ARHGAP35: variants seen among roughly 807,000 people sequenced by gnomAD.
ARHGAP35 encodes the protein rho GTPase-activating protein 35.
Under a neutral mutation model 111.1 loss-of-function variants are expected in ARHGAP35, and 15 were observed. The ratio of observed to expected loss-of-function variants is 0.13; its 90% CI spans 0.09 to 0.21. ARHGAP35 has a LOEUF of 0.21. Among genes scored for constraint, ARHGAP35 ranks in the 10% least tolerant of loss-of-function variants. ARHGAP35 has a pLI of 1.00. For missense variants in ARHGAP35, 1,262 were observed against 1,873.0 expected (o/e 0.67, Z 6.02); for synonymous variants, 643 against 710.3 (o/e 0.91, Z 1.51).
chr19:46,871,937 G>T (rs2068187541), intron 1 of ARHGAP35, among the ~76,000 whole-genome samples: 1 of 152,030 alleles, frequency 6.6e-6, no homozygotes, highest in Non-Finnish European at 1.5e-5. Context: ...CGGAGATTAT[G>T]CCACTGCACT....
rs561213417 is a variant in ARHGAP35, at chr19:46,999,881, C to A, written c.4143-450C>A. On this transcript the variant is annotated intron_variant, in intron 6 of 6. Coordinates refer to ENST00000672722, the MANE Select transcript of ARHGAP35 (RefSeq NM_004491.5). The surrounding 1 kb of genome is among the most constrained non-coding windows in gnomAD (Gnocchi z 5.4). ...GAGATGTGCTGCAGGAGACAGCCAGCCTCCGGCATGGAGCACAGCCGCAGG... is the reference window on the plus strand; with the variant it reads ...GAGATGTGCTGCAGGAGACAGCCAGACTCCGGCATGGAGCACAGCCGCAGG... 206 of 215,662 alleles carry A rather than the reference C, an allele frequency of 9.6e-4. No individual in the cohort carries two copies. Among genetic ancestry groups the A allele is most frequent in the Non-Finnish European group, 1.7e-3 (184 of 108,988 alleles). 13.4% of individuals were successfully genotyped at this position (215,662 alleles called of 1,614,324 possible).
At chr19:46,880,747 G>A (rs2055957482) in intron 1 of ARHGAP35, among the ~76,000 whole-genome samples, 4 of 151,902 alleles carry the variant, frequency 2.6e-5, no homozygotes. Flanking sequence ...TGTGATCATA[G>A]CTACTGCAAC....
chr19:46,964,811 A>G (rs2056503697), intron 3 of ARHGAP35, among the ~76,000 whole-genome samples: 1 of 152,220 alleles, frequency 6.6e-6, no homozygotes, highest in South Asian at 2.1e-4. Flanking sequence ...ACAAGCCAAC[A>G]TGGACCCAGA....
In ARHGAP35 at chr19:46,920,294, G is replaced by T; in HGVS notation, c.1619G>T (p.Arg540Leu). The change falls in exon 2 of 7, where the codon CGT (arginine) becomes CTT (leucine). Residue 540 changes from arginine to leucine, a missense_variant. Physicochemically the swap from Arg to Leu is moderately radical, Grantham distance 102. This residue lies in a region of ARHGAP35 where 328 missense variants were observed against 440.8 expected (regional missense o/e 0.74). Transcript: ENST00000672722. This position sits in a 1 kb window ranked among gnomAD's most constrained non-coding sequence, Gnocchi z 7.0. ...FKALQKLQAE[R>L]DALILKHIHF... The stretch of plus-strand genomic sequence containing the variant: ...GCATTACAAAAGCTCCAAGCAGAGC[G>T]TGATGCCCTTATTCTGAAACACATT... 2 of 1,613,994 alleles carry T rather than the reference G, an allele frequency of 1.2e-6. No individual in the cohort carries two copies. The highest frequency in any genetic ancestry group is 1.7e-6 in the Non-Finnish European group (2 of 1,179,896).
chr19:46,970,827 G>C (rs976013342), intron 3 of ARHGAP35, among the ~76,000 whole-genome samples: 3 of 152,162 alleles, frequency 2.0e-5, no homozygotes, highest in African/African-American at 7.2e-5. Flanking sequence ...ATGACTCGAA[G>C]TGGAATGATT....
chr19:46,982,369 C>T (rs373714390), intron 3 of ARHGAP35, among the ~76,000 whole-genome samples: 1 of 151,628 alleles, frequency 6.6e-6, no homozygotes, highest in Admixed American at 6.6e-5. Context: ...CCCAGCTACT[C>T]GGGAGGCTGA....
intron 1 of ARHGAP35, among the ~76,000 whole-genome samples, chr19:46,894,066 C>G (rs2056040559): frequency 6.6e-6 from 1 of 151,936 alleles, no homozygotes; most frequent in Non-Finnish European, 1.5e-5. Context: ...TGTGATTAGG[C>G]TGAGTATTTT....
At chr19:46,933,137 C>CTT (rs1174653724) in intron 2 of ARHGAP35, among the ~76,000 whole-genome samples, 8,111 of 99,400 alleles carry the variant, frequency 0.082, 685 homozygotes, top group African/African-American at 0.17. Context: ...AGTGTGCCTT[C>CTT]TTTTTTTTTT....
intron 3 of ARHGAP35, among the ~76,000 whole-genome samples, chr19:46,953,197 G>A (rs1355691122): frequency 6.6e-6 from 1 of 152,160 alleles, no homozygotes; most frequent in African/African-American, 2.4e-5. Context: ...TAACCCGGGG[G>A]GAGACAGATA....
chr19:46,866,090 C>T (rs956344447), intron 1 of ARHGAP35, among the ~76,000 whole-genome samples: 1 of 152,188 alleles, frequency 6.6e-6, no homozygotes, highest in African/African-American at 2.4e-5. Context: ...ATCCACCTGC[C>T]TCGGCCTCCC....
At chr19:46,916,448 A>G (rs2056164394) in intron 1 of ARHGAP35, among the ~76,000 whole-genome samples, 1 of 151,664 alleles carries the variant, frequency 6.6e-6, no homozygotes, top group African/African-American at 2.4e-5. Flanking sequence ...TCCTACAGAA[A>G]GGCTTTCCCG....
intron 1 of ARHGAP35, among the ~76,000 whole-genome samples, chr19:46,907,131 T>G (rs1400698136): frequency 6.6e-6 from 1 of 152,152 alleles, no homozygotes; most frequent in Non-Finnish European, 1.5e-5. Context: ...ATATTAATAA[T>G]AAGAAATATG....
intron 2 of ARHGAP35, among the ~76,000 whole-genome samples, chr19:46,928,345 T>C (rs933057018): frequency 6.6e-5 from 10 of 152,208 alleles, no homozygotes; most frequent in African/African-American, 2.4e-4. Flanking sequence ...GAAATACCTT[T>C]GTAGGGACTC....
At chr19:46,898,209 T>C (rs1432821398) in intron 1 of ARHGAP35, among the ~76,000 whole-genome samples, 3 of 146,720 alleles carry the variant, frequency 2.0e-5, no homozygotes, top group Non-Finnish European at 4.5e-5. Flanking sequence ...GCCACTGCAC[T>C]CCAGCCTGGC....
chr19:47,001,254 AT>A lies in ARHGAP35; in HGVS notation c.*567del. On this transcript the variant is annotated 3_prime_UTR_variant, in exon 7 of 7. Coordinates refer to ENST00000672722, the MANE Select transcript of ARHGAP35 (RefSeq NM_004491.5). The surrounding 1 kb of genome is among the most constrained non-coding windows in gnomAD (Gnocchi z 5.4). ...CCTGCTGAGGGCGCTGGCTCTGCAG[AT>A]CAGAACAACGGAGGATAGCTTTGTG... is the stretch of plus-strand genomic sequence containing the variant. 1 of 1,288,524 alleles carries A rather than the reference AT, an allele frequency of 7.8e-7. No homozygotes were observed. Among genetic ancestry groups the A allele is most frequent in the Non-Finnish European group, 1.0e-6 (1 of 989,022 alleles). 79.8% of individuals were successfully genotyped at this position (1,288,524 alleles called of 1,614,324 possible). A position where few individuals can be genotyped will look rare whatever the true frequency, so the allele number is the denominator to read the frequency against.
In ARHGAP35 at chr19:46,876,027, C is replaced by T. The variant is rs758954987; in HGVS notation, c.-189+14818C>T. Among the ~76,000 whole-genome samples, 6 of 152,104 alleles carry T rather than the reference C, an allele frequency of 3.9e-5. 1 individual carries two copies. The highest frequency in any genetic ancestry group is 7.3e-5 in the African/African-American group (3 of 41,370). Reference sequence around the variant, plus strand: ...GCCTAGGTTTGAGTCCCAGTCCCACCTCTTACCTGCTCTGCACCCTCCGAC... The same window carrying T: ...GCCTAGGTTTGAGTCCCAGTCCCACTTCTTACCTGCTCTGCACCCTCCGAC... On this transcript the variant is annotated intron_variant, in intron 1 of 6. Coordinates refer to ENST00000672722, the MANE Select transcript of ARHGAP35 (RefSeq NM_004491.5).
At chr19:46,889,320 G>A (rs1312910160) in intron 1 of ARHGAP35, among the ~76,000 whole-genome samples, 1 of 152,006 alleles carries the variant, frequency 6.6e-6, no homozygotes, top group Non-Finnish European at 1.5e-5. Flanking sequence ...AAAAGTTGGT[G>A]TGGTGGCGTG....
intron 3 of ARHGAP35, chr19:46,948,207 C>G (rs1408524104): frequency 6.6e-6 from 1 of 152,208 alleles, no homozygotes; most frequent in Non-Finnish European, 1.5e-5. Flanking sequence ...GATACCTGCC[C>G]TTGGGGCCTA....
At chr19:46,889,699 C>A (rs1010072976) in intron 1 of ARHGAP35, among the ~76,000 whole-genome samples, 2 of 138,698 alleles carry the variant, frequency 1.4e-5, no homozygotes, top group Admixed American at 1.6e-4. Flanking sequence ...TGCAGTGAGC[C>A]GAGATCCCGC....
Sources: gnomAD v4.1 joint callset for allele counts (sites outside exome capture counted in the v4.1 genomes callset) on GRCh38, gnomAD v4.1.1 for gene constraint, gnomAD v4.1.1 regional missense constraint, Gnocchi (gnomAD v3.1) non-coding constraint, MANE v1.5 for transcripts, NCBI Gene and HGNC (gene_info 2026-07-23, HGNC 2026-07-21) for gene names.